The following SUCLG2 variants were observed in gnomAD, a reference collection of about 807,000 sequenced individuals.
The protein encoded by SUCLG2 is succinate--CoA ligase [GDP-forming] subunit beta, mitochondrial.
A neutral mutation model predicts 47.9 loss-of-function variants in SUCLG2; 42 were observed. The ratio of observed to expected loss-of-function variants is 0.88; its 90% CI spans 0.69 to 1.14. SUCLG2 has a LOEUF of 1.14. Ranked by LOEUF, SUCLG2 falls within the 50% of genes most tolerant of loss-of-function variation. The probability of loss-of-function intolerance (pLI) is 0.00; values close to 1 mark genes in which losing one functional copy is unlikely to be tolerated. For synonymous variants in SUCLG2, 195 were observed against 197.3 expected (o/e 0.99, Z 0.10); for missense variants, 571 against 525.9 (o/e 1.09, Z -0.84).
In SUCLG2 at chr3:67,374,995, C is replaced by T; in HGVS notation, c.*749G>A. 1 of 985,678 alleles carries T rather than the reference C, an allele frequency of 1.0e-6. No homozygotes were observed. Among genetic ancestry groups the T allele is most frequent in the African/African-American group, 1.7e-5 (1 of 57,304 alleles). The allele number at this position is 985,678 out of a possible 1,614,324, so 61.1% of individuals were successfully genotyped here. On this transcript the variant is annotated 3_prime_UTR_variant, in exon 11 of 11. Transcript: ENST00000307227. ...GAAATATCTTAATAACAGAGATTTCCATAAGAATCAGGATTCATTTTTGAC... is the reference window on the plus strand; with the variant it reads ...GAAATATCTTAATAACAGAGATTTCTATAAGAATCAGGATTCATTTTTGAC...
At chr3:67,401,351 G>C (rs1236947183) in intron 9 of SUCLG2, among the ~76,000 whole-genome samples, 1 of 151,970 alleles carries the variant, frequency 6.6e-6, no homozygotes, top group Non-Finnish European at 1.5e-5. Context: ...TCTTTGATAT[G>C]CTAGAGGTAT....
At chr3:67,650,625 C>T (rs1349397078) in intron 1 of SUCLG2, among the ~76,000 whole-genome samples, 3 of 152,010 alleles carry the variant, frequency 2.0e-5, no homozygotes, top group Non-Finnish European at 4.4e-5. Flanking sequence ...GGCATGGTGG[C>T]GTGCATCTGT....
chr3:67,522,253 C>T (rs538636193), intron 4 of SUCLG2, among the ~76,000 whole-genome samples: 1 of 152,034 alleles, frequency 6.6e-6, no homozygotes, highest in East Asian at 1.9e-4. Flanking sequence ...CTATGTTGCC[C>T]AGGCTGATCT....
chr3:67,551,346 T>C (rs1476386152), intron 2 of SUCLG2, among the ~76,000 whole-genome samples: 1 of 152,224 alleles, frequency 6.6e-6, no homozygotes, highest in Non-Finnish European at 1.5e-5. Context: ...TATTTATGTT[T>C]TGATAGTTTG....
intron 9 of SUCLG2, among the ~76,000 whole-genome samples, chr3:67,412,510 C>T (rs1702952049): frequency 6.6e-6 from 1 of 152,144 alleles, no homozygotes; most frequent in Non-Finnish European, 1.5e-5. Context: ...GGGAGGCTGA[C>T]TAGAGAGAAC....
chr3:67,520,470 A>T lies in SUCLG2; in HGVS notation c.570+12T>A, dbSNP rs1374836871. The T allele has an allele frequency of 6.2e-7, 1 of 1,613,954 alleles. No individual in the cohort carries two copies. The highest frequency in any genetic ancestry group is 1.7e-5 in the Admixed American group (1 of 60,024). On this transcript the variant is annotated intron_variant, in intron 5 of 10. Transcript: ENST00000307227. ...ATCAATTAATAGCAGGTAGCCCGGAATTTAAACATACCTTAAAAATGAGCT... is the reference window on the plus strand; with the variant it reads ...ATCAATTAATAGCAGGTAGCCCGGATTTTAAACATACCTTAAAAATGAGCT...
intron 2 of SUCLG2, among the ~76,000 whole-genome samples, chr3:67,554,644 C>G (rs956852474): frequency 6.6e-6 from 1 of 152,110 alleles, no homozygotes; most frequent in Non-Finnish European, 1.5e-5. Flanking sequence ...ACGTTGAAAA[C>G]TTTACATAAG....
intron 10 of SUCLG2, 92 bp from the exon 11 acceptor site, chr3:67,375,951 A>T: frequency 6.7e-7 from 1 of 1,489,922 alleles, no homozygotes; most frequent in Non-Finnish European, 9.0e-7. Context: ...ACCTGTCTAC[A>T]GCTTTTCACT....
At chr3:67,419,107 A>T (rs772585624) in intron 9 of SUCLG2, among the ~76,000 whole-genome samples, 2 of 152,196 alleles carry the variant, frequency 1.3e-5, no homozygotes, top group African/African-American at 4.8e-5. Context: ...TCTGTCCTCT[A>T]TCACCAAGCA....
intron 2 of SUCLG2, among the ~76,000 whole-genome samples, chr3:67,542,130 T>C (rs1029692657): frequency 2.6e-5 from 4 of 152,056 alleles, no homozygotes; most frequent in Non-Finnish European, 5.9e-5. Context: ...CACCTCAGCC[T>C]CCCAAAGTGC....
chr3:67,641,209 G>C (rs1470740265), intron 1 of SUCLG2, among the ~76,000 whole-genome samples: 1 of 152,158 alleles, frequency 6.6e-6, no homozygotes, highest in Admixed American at 6.5e-5. Context: ...CTGTCTTTAA[G>C]TTGATTTCAC....
intron 1 of SUCLG2, among the ~76,000 whole-genome samples, chr3:67,611,851 C>A (rs1297298396): frequency 6.6e-6 from 1 of 152,160 alleles, no homozygotes; most frequent in Non-Finnish European, 1.5e-5. Context: ...TGTTTCCACA[C>A]TGACTCAAAT....
intron 2 of SUCLG2, among the ~76,000 whole-genome samples, chr3:67,546,901 A>C (rs1706880046): frequency 6.6e-6 from 1 of 152,236 alleles, no homozygotes; most frequent in South Asian, 2.1e-4. Context: ...ACTCCATCCC[A>C]AAAAATAAAC....
intron 8 of SUCLG2, 28 bp from the exon 9 acceptor site, chr3:67,495,968 A>G: frequency 1.2e-6 from 2 of 1,613,322 alleles, no homozygotes; most frequent in Non-Finnish European, 1.7e-6. Context: ...GACACAAGAC[A>G]GGCTACATTT....
intron 2 of SUCLG2, among the ~76,000 whole-genome samples, chr3:67,594,690 T>C (rs905045241): frequency 2.6e-5 from 4 of 152,228 alleles, no homozygotes; most frequent in African/African-American, 4.8e-5. Flanking sequence ...TGGATACCAA[T>C]TGAATGGTAC....
chr3:67,515,785 G>A (rs1011211770), intron 6 of SUCLG2, among the ~76,000 whole-genome samples: 1 of 152,064 alleles, frequency 6.6e-6, no homozygotes, highest in African/African-American at 2.4e-5. Context: ...CCCACAGCTT[G>A]AGCAAGCCCC....
intron 9 of SUCLG2, among the ~76,000 whole-genome samples, chr3:67,455,662 C>T (rs954794879): frequency 6.6e-6 from 1 of 151,924 alleles, no homozygotes; most frequent in African/African-American, 2.4e-5. Context: ...ATTCACTGTA[C>T]TGTGCTCTAG....
intron 8 of SUCLG2, among the ~76,000 whole-genome samples, chr3:67,497,523 A>G (rs1352394858): frequency 6.6e-6 from 1 of 152,208 alleles, no homozygotes; most frequent in Admixed American, 6.5e-5. Context: ...ATAAACTAGC[A>G]TAATGGATTA....
rs747685365 is a variant in SUCLG2, at chr3:67,400,803, T to C, written c.1111A>G (p.Ile371Val). Residue 371 changes from isoleucine to valine, a missense_variant, in exon 10 of 11, where the codon ATC becomes GTC. Coordinates refer to ENST00000307227, the MANE Select transcript of SUCLG2 (RefSeq NM_003848.4). ...GCTTTGGTGATCCCATTGGCAATGA[T>C]GGCACAGTTGACGATACCACCAAAT... ...NIFGGIVNCA[I>V]IANGITKACR... is the part of the protein sequence containing the mutation. The C allele has an allele frequency of 4.3e-6, 7 of 1,612,824 alleles. No homozygotes were observed. The highest frequency in any genetic ancestry group is 1.7e-5 in the Admixed American group (1 of 59,820).
Sources: gnomAD v4.1 joint callset for allele counts (sites outside exome capture counted in the v4.1 genomes callset) on GRCh38, gnomAD v4.1.1 for gene constraint, MANE v1.5 for transcripts, NCBI Gene and HGNC (gene_info 2026-07-23, HGNC 2026-07-21) for gene names.